Variants in SEC24B observed in about 807,000 individuals in gnomAD.
SEC24B encodes SEC24 homolog B, COPII component.
Under a neutral mutation model 142.8 loss-of-function variants are expected in SEC24B, and 45 were observed. The observed-to-expected ratio is 0.32, with a 90% CI of 0.25 to 0.40. The LOEUF (loss-of-function observed/expected upper bound fraction) is 0.40, where lower values mean the gene tolerates loss of function less well. Among genes scored for constraint, SEC24B ranks in the 10% least tolerant of loss-of-function variants. SEC24B has a pLI of 1.00. For synonymous variants in SEC24B, 574 were observed against 568.2 expected (o/e 1.01, Z -0.15); for missense variants, 1,409 against 1,526.8 (o/e 0.92, Z 1.29).
At chr4:109,482,965 T>C (rs865912893) in intron 4 of SEC24B, among the ~76,000 whole-genome samples, 3,450 of 57,860 alleles carry the variant, frequency 0.06, 461 homozygotes, top group African/African-American at 0.37. Flanking sequence ...TATATATATA[T>C]ATATATATAT....
intron 14 of SEC24B, 75 bp from the exon 15 acceptor site, chr4:109,524,743 C>A: frequency 7.1e-7 from 1 of 1,413,746 alleles, no homozygotes; most frequent in Non-Finnish European, 9.6e-7. Flanking sequence ...AGAGGATATC[C>A]TTTTTGTTAT....
At chr4:109,477,917 T>A (rs1733339739) in intron 3 of SEC24B, among the ~76,000 whole-genome samples, 1 of 152,182 alleles carries the variant, frequency 6.6e-6, no homozygotes, top group African/African-American at 2.4e-5. Flanking sequence ...AATCACAGAA[T>A]TTTTATCTTG....
rs372568370 is a variant in SEC24B at position 109,516,542 on chromosome 4, A to C, written c.2028A>C (p.Gln676His). The C allele has an allele frequency of 6.2e-7, 1 of 1,610,158 alleles. No individual in the cohort carries two copies. Among genetic ancestry groups the C allele is most frequent in the South Asian group, 1.1e-5 (1 of 90,312 alleles). The change falls in exon 11 of 24, where the codon CAA becomes CAC. Residue 676 changes from glutamine to histidine, a missense_variant. Gln to His is a conservative substitution (Grantham distance 24, BLOSUM62 0). Transcript: ENST00000265175. ...ASSDYMLRPP[Q>H]PAVYLFVLDV... The stretch of plus-strand genomic sequence containing the variant: ...ATTCCTTTCAGCTGCGTCCTCCTCA[A>C]CCTGCAGTTTACTTGTTTGTTTTAG...
At chr4:109,435,481 A>T (rs1327847474) in intron 1 of SEC24B, among the ~76,000 whole-genome samples, 2 of 152,262 alleles carry the variant, frequency 1.3e-5, no homozygotes, top group African/African-American at 4.8e-5. Flanking sequence ...CATGTTTACC[A>T]GTGATTCAAG....
At chr4:109,494,550 C>T (rs1735335684) in intron 5 of SEC24B, 65 bp from the exon 6 acceptor site, 4 of 1,592,730 alleles carry the variant, frequency 2.5e-6, no homozygotes, top group Non-Finnish European at 3.4e-6. Flanking sequence ...TGGACTGGAT[C>T]AGGAGTCCAG....
At chr4:109,509,626 G>A in intron 7 of SEC24B, among the ~76,000 whole-genome samples, 1 of 148,410 alleles carries the variant, frequency 6.7e-6, no homozygotes, top group Non-Finnish European at 1.5e-5. Context: ...GCAGTGAGCC[G>A]AGATCGGGCT....
At chr4:109,490,153 C>T (rs1182064449) in intron 4 of SEC24B, among the ~76,000 whole-genome samples, 1 of 151,986 alleles carries the variant, frequency 6.6e-6, no homozygotes, top group Non-Finnish European at 1.5e-5. Context: ...TAGCAAGTTA[C>T]CTTCACTTAT....
At chr4:109,487,707 C>G (rs925886386) in intron 4 of SEC24B, among the ~76,000 whole-genome samples, 1 of 152,200 alleles carries the variant, frequency 6.6e-6, no homozygotes, top group Non-Finnish European at 1.5e-5. Flanking sequence ...TATCATGAGT[C>G]TGTTTAGCTT....
chr4:109,482,113 A>G (rs1410257360), intron 4 of SEC24B, among the ~76,000 whole-genome samples: 1 of 152,218 alleles, frequency 6.6e-6, no homozygotes, highest in Non-Finnish European at 1.5e-5. Context: ...TTGCTCTAGC[A>G]TCGTTTTAGG....
At chr4:109,533,534 T>G (rs1554011974) in intron 21 of SEC24B, 59 bp from the exon 22 acceptor site, 1 of 1,028,134 alleles carries the variant, frequency 9.7e-7, no homozygotes, top group African/African-American at 1.6e-5. Flanking sequence ...TTTGAGAACA[T>G]TAATGAAAAT....
chr4:109,469,876 A>G (rs1270621613), intron 2 of SEC24B, among the ~76,000 whole-genome samples: 1 of 152,230 alleles, frequency 6.6e-6, no homozygotes, highest in African/African-American at 2.4e-5. Context: ...ACTGGGAAAA[A>G]ATGTATATGC....
intron 11 of SEC24B, among the ~76,000 whole-genome samples, chr4:109,517,779 T>G (rs914511814): frequency 2.0e-5 from 3 of 152,132 alleles, no homozygotes; most frequent in Admixed American, 6.5e-5. Flanking sequence ...AAAAAGAATC[T>G]GGATGAGAGA....
chr4:109,455,332 C>T (rs547111735), intron 1 of SEC24B, among the ~76,000 whole-genome samples: 27 of 152,126 alleles, frequency 1.8e-4, no homozygotes, highest in South Asian at 1.5e-3. Flanking sequence ...TTACTCCAAG[C>T]TCCGCCTCCC....
rs1725990063 is a variant in SEC24B at position 109,539,750 on chromosome 4, A to T, written c.*75A>T. 1 of 971,344 alleles carries T rather than the reference A, an allele frequency of 1.0e-6. No individual in the cohort carries two copies. The highest frequency in any genetic ancestry group is 2.2e-5 in the Admixed American group (1 of 46,286). The allele number at this position is 971,344 out of a possible 1,614,324, so 60.2% of individuals were successfully genotyped here. On this transcript the variant is annotated 3_prime_UTR_variant, in exon 24 of 24. Transcript: ENST00000265175. Reference sequence around the variant, plus strand: ...AATCTGTCAGAGAAGCGCGTGAGAAATTTGAAATGAAGGCATTTGTTAATA... The same window carrying T: ...AATCTGTCAGAGAAGCGCGTGAGAATTTTGAAATGAAGGCATTTGTTAATA...
chr4:109,473,793 T>C (rs1381556638), intron 3 of SEC24B, among the ~76,000 whole-genome samples: 1 of 152,242 alleles, frequency 6.6e-6, no homozygotes, highest in Non-Finnish European at 1.5e-5. Flanking sequence ...TTTTTGTTTT[T>C]GTTTTTCCTG....
chr4:109,473,056 C>T lies in SEC24B; in HGVS notation c.930C>T (p.Ser310=), dbSNP rs2125961185. The T allele has an allele frequency of 6.3e-7, 1 of 1,596,282 alleles. No homozygotes were observed. The highest frequency in any genetic ancestry group is 1.1e-5 in the South Asian group (1 of 87,964). Residue 310 remains serine (S), a synonymous_variant, in exon 3 of 24, where the codon TCC becomes TCT. Coordinates refer to ENST00000265175, the MANE Select transcript of SEC24B (RefSeq NM_006323.5). ...PVMQNVQPPK[S]SPVVSTVLSG... ...TGCAAAATGTTCAGCCTCCCAAGTCCAGCCCAGTGGTATCCACTGTTTTAT... is the reference window on the plus strand; with the variant it reads ...TGCAAAATGTTCAGCCTCCCAAGTCTAGCCCAGTGGTATCCACTGTTTTAT...
intron 1 of SEC24B, among the ~76,000 whole-genome samples, chr4:109,438,264 T>G (rs958530144): frequency 3.9e-5 from 6 of 152,226 alleles, no homozygotes; most frequent in African/African-American, 1.4e-4. Flanking sequence ...ATTTTATTTT[T>G]GCTAATTCCA....
At chr4:109,506,119 C>T (rs778802126) in intron 6 of SEC24B, among the ~76,000 whole-genome samples, 3 of 151,756 alleles carry the variant, frequency 2.0e-5, no homozygotes, top group African/African-American at 7.3e-5. Flanking sequence ...AATTTCATTG[C>T]GAGGGTTAAC....
At chr4:109,508,406 A>G (rs1342841655) in intron 7 of SEC24B, among the ~76,000 whole-genome samples, 15 of 151,956 alleles carry the variant, frequency 9.9e-5, no homozygotes, top group African/African-American at 3.6e-4. Flanking sequence ...CTCCTCCAAA[A>G]AAACAAAAAA....
Sources: gnomAD v4.1 joint callset for allele counts (sites outside exome capture counted in the v4.1 genomes callset) on GRCh38, gnomAD v4.1.1 for gene constraint, MANE v1.5 for transcripts, NCBI Gene and HGNC (gene_info 2026-07-23, HGNC 2026-07-21) for gene names.